The following GPLD1 variants were observed in gnomAD, a reference collection of about 807,000 sequenced individuals.
The protein encoded by GPLD1 is phosphatidylinositol-glycan-specific phospholipase D.
In GPLD1, 84 loss-of-function variants were observed where a neutral mutation model predicts 112.6. The observed-to-expected ratio is 0.75, with a 90% CI of 0.63 to 0.89. The LOEUF (loss-of-function observed/expected upper bound fraction) is 0.89. Ranked by LOEUF, GPLD1 falls within the 40% of genes least tolerant of loss-of-function variation. The probability of loss-of-function intolerance (pLI) is 0.00; values close to 1 mark genes in which losing one functional copy is unlikely to be tolerated. For synonymous variants in GPLD1, 386 were observed against 403.8 expected, an observed-to-expected ratio of 0.96 and a Z score of 0.53; for missense variants, 1,044 against 1,051.5, an observed-to-expected ratio of 0.99 and a Z score of 0.10.
chr6:24,485,864 T>C (rs1199395926), intron 2 of GPLD1, among the ~76,000 whole-genome samples: 1 of 152,060 alleles, frequency 6.6e-6, no homozygotes, highest in African/African-American at 2.4e-5. Context: ...AGATGGGGTT[T>C]CTCCATATTA....
At chr6:24,459,248 T>A (rs1763357309) in intron 12 of GPLD1, among the ~76,000 whole-genome samples, 1 of 123,074 alleles carries the variant, frequency 8.1e-6, no homozygotes, top group African/African-American at 4.3e-5. Flanking sequence ...TTCTCCCTGC[T>A]ATTTTTTTTT....
chr6:24,439,248 C>G (rs1762672887), intron 20 of GPLD1, among the ~76,000 whole-genome samples: 1 of 152,216 alleles, frequency 6.6e-6, no homozygotes, highest in South Asian at 2.1e-4. Flanking sequence ...AGGATGAACA[C>G]TGGCCCCAGT....
chr6:24,491,514 C>T (rs896946838), upstream of GPLD1, among the ~76,000 whole-genome samples: 1 of 152,112 alleles, frequency 6.6e-6, no homozygotes, highest in Non-Finnish European at 1.5e-5. Flanking sequence ...GCCTGTGCAA[C>T]ATGGCAAAAT....
chr6:24,479,528 G>A (rs765508016), intron 3 of GPLD1, among the ~76,000 whole-genome samples: 1 of 152,142 alleles, frequency 6.6e-6, no homozygotes, highest in Non-Finnish European at 1.5e-5. Context: ...GAGATTCTGT[G>A]GATAAGTGAC....
At chr6:24,482,584 T>A (rs1764240870) in intron 2 of GPLD1, among the ~76,000 whole-genome samples, 1 of 152,170 alleles carries the variant, frequency 6.6e-6, no homozygotes, top group Admixed American at 6.5e-5. Flanking sequence ...CCCAGATAAT[T>A]TTTGTATTCT....
chr6:24,437,365 A>G, intron 20 of GPLD1, 76 bp from the exon 21 acceptor site: 1 of 1,328,122 alleles, frequency 7.5e-7, no homozygotes, highest in Non-Finnish European at 1.1e-6. Flanking sequence ...CCCCATCCTC[A>G]AGTGACACTG....
intron 20 of GPLD1, among the ~76,000 whole-genome samples, chr6:24,439,372 G>A (rs9295624): frequency 0.22 from 33,582 of 152,104 alleles, 3,914 homozygotes; most frequent in Non-Finnish European, 0.25. Flanking sequence ...AACTATGTCA[G>A]CTCTTCAAAA....
intron 14 of GPLD1, among the ~76,000 whole-genome samples, chr6:24,452,633 G>T (rs534166644): frequency 6.6e-6 from 1 of 152,008 alleles, no homozygotes; most frequent in African/African-American, 2.4e-5. Context: ...AAAATTAGCC[G>T]GGCATGGCGG....
At chr6:24,473,803 C>T (rs1468390258) in intron 5 of GPLD1, 136 bp from the exon 6 acceptor site, 5 of 539,704 alleles carry the variant, frequency 9.3e-6, no homozygotes, top group Non-Finnish European at 1.7e-5. Flanking sequence ...TCAATTTTCA[C>T]ACTAACATTT....
chr6:24,493,723 C>T (rs1382254143), upstream of GPLD1, among the ~76,000 whole-genome samples: 4 of 152,090 alleles, frequency 2.6e-5, no homozygotes, highest in African/African-American at 9.7e-5. Context: ...GTGACTGGCT[C>T]AAAACTCAAT....
chr6:24,475,844 C>T (rs112143804), intron 4 of GPLD1, among the ~76,000 whole-genome samples: 4,599 of 150,688 alleles, frequency 0.031, 151 homozygotes, highest in African/African-American at 0.071. Flanking sequence ...GGTGACAGAG[C>T]GACACTCTGT....
At chr6:24,441,084 C>T (rs985817344) in intron 20 of GPLD1, among the ~76,000 whole-genome samples, 2 of 151,962 alleles carry the variant, frequency 1.3e-5, no homozygotes, top group Non-Finnish European at 2.9e-5. Flanking sequence ...GGGCGGATCA[C>T]CTGACATCGG....
At chr6:24,435,841 A>AAAAAAAAAAAAAAAAAAAAAAAAAAAAT in intron 22 of GPLD1, 1 of 149,766 alleles carries the variant, frequency 6.7e-6, no homozygotes, top group African/African-American at 2.4e-5. Flanking sequence ...AAAAAAAAAA[A>AAAAAAAAAAAAAAAAAAAAAAAAAAAAT]AAAAAAGTTA....
chr6:24,448,976 A>G (rs1413264265), intron 15 of GPLD1, among the ~76,000 whole-genome samples: 2 of 152,132 alleles, frequency 1.3e-5, no homozygotes, highest in African/African-American at 4.8e-5. Flanking sequence ...ACAGGTCATT[A>G]TGACACCCAG....
rs1308646906 is a variant in GPLD1, at chr6:24,436,597, T to TATCC, written c.2333_2336dup (p.Ile779MetfsTer18). On this transcript the variant is annotated frameshift_variant, in exon 22 of 25. Transcript: ENST00000230036. LOFTEE classifies it high-confidence loss of function. ...TTACCTTTTCTTCTGGACATGGAGT[T>TATCC]ATCCATGATTTGCATTTGCCAGTCA... 1 of 1,613,892 alleles carries TATCC rather than the reference T, an allele frequency of 6.2e-7. No individual in the cohort carries two copies. The highest frequency in any genetic ancestry group is 1.7e-4 in the Middle Eastern group (1 of 6,060).
At chr6:24,442,475 C>T (rs1297613761) in intron 20 of GPLD1, among the ~76,000 whole-genome samples, 1 of 101,662 alleles carries the variant, frequency 9.8e-6, no homozygotes, top group South Asian at 3.7e-4. Flanking sequence ...GATGGAATTT[C>T]ACTCTGTCAC....
chr6:24,479,908 A>G lies in GPLD1; in HGVS notation c.205T>C (p.Cys69Arg), dbSNP rs748566720. ...CCTTTGCAGATGCTAGGGTAAAAACAATCAGGAAACACGATTCCAGCCTGA... is the reference window on the plus strand; with the variant it reads ...CCTTTGCAGATGCTAGGGTAAAAACGATCAGGAAACACGATTCCAGCCTGA... ...AYQAGIVFPD[C>R]FYPSICKGGK... The change falls in exon 3 of 25, where the codon TGT becomes CGT. Residue 69 changes from cysteine (C) to arginine (R), a missense_variant. Physicochemically the swap from Cys to Arg is radical, Grantham distance 180. Coordinates refer to ENST00000230036, the MANE Select transcript of GPLD1 (RefSeq NM_001503.4). 6.2e-7 allele frequency: 1 copy of G among 1,610,474 alleles called. No homozygotes were observed. Among genetic ancestry groups the G allele is most frequent in the East Asian group, 2.2e-5 (1 of 44,864 alleles).
chr6:24,445,758 C>T lies in GPLD1; in HGVS notation c.1894G>A (p.Gly632Ser), dbSNP rs762662225. 6 of 1,613,500 alleles carry T rather than the reference C, an allele frequency of 3.7e-6. No individual in the cohort carries two copies. The highest frequency in any genetic ancestry group is 2.2e-5 in the East Asian group (1 of 44,866). ...CCAGAAATGGTAAACCAGCTTTGGC[C>T]GTTTGGTGGGAAGTAGCCATACACC... ...GRVYGYFPPN[G>S]QSWFTISGDK... Residue 632 changes from glycine (G) to serine (S), a missense_variant, in exon 19 of 25, where the codon GGC (glycine) becomes AGC (serine). Transcript: ENST00000230036.
At chr6:24,440,019 T>A (rs937565135) in intron 20 of GPLD1, among the ~76,000 whole-genome samples, 1 of 152,202 alleles carries the variant, frequency 6.6e-6, no homozygotes, top group Non-Finnish European at 1.5e-5. Flanking sequence ...TTACTTCTCA[T>A]GTGGAACTTT....
Sources: allele counts gnomAD v4.1 joint callset (sites outside exome capture counted in the v4.1 genomes callset), GRCh38; gene constraint gnomAD v4.1.1; transcripts MANE v1.5; gene names NCBI Gene and HGNC (gene_info 2026-07-23, HGNC 2026-07-21).